The following EIF4B variants were observed in gnomAD, a reference collection of about 807,000 sequenced individuals.
EIF4B encodes eukaryotic translation initiation factor 4B.
Under a neutral mutation model 79.3 loss-of-function variants are expected in EIF4B, and 8 were observed. That is an observed-to-expected ratio of 0.10 (90% CI 0.06 to 0.18). The LOEUF is 0.18. Ranked by LOEUF, EIF4B falls within the 10% of genes least tolerant of loss-of-function variation. The pLI, the probability that EIF4B is intolerant of heterozygous loss-of-function variation, is 1.00. For synonymous variants in EIF4B, 238 were observed against 274.7 expected (o/e 0.87, Z 1.32); for missense variants, 515 against 792.4 (o/e 0.65, Z 4.20).
chr12:53,037,237 G>C (rs868563821), intron 10 of EIF4B, among the ~76,000 whole-genome samples, 172 bp from the exon 11 acceptor site: 2 of 152,168 alleles, frequency 1.3e-5, no homozygotes, highest in Non-Finnish European at 2.9e-5. Context: ...CTATTTCTCT[G>C]TGCATCAGTA....
intron 6 of EIF4B, among the ~76,000 whole-genome samples, chr12:53,027,137 A>ATTTTTTTTTTTTTTTTTTTTTTTTTTTT (rs71095967): frequency 3.9e-5 from 1 of 25,722 alleles, no homozygotes; most frequent in African/African-American, 8.2e-5. Context: ...AAAAAAAAAA[A>ATTTTTTTTTTTTTTTTTTTTTTTTTTTT]TTTTTTTTTT....
Position 53,039,667 on chromosome 12 carries a change from C to G in EIF4B, c.1720C>G (p.Pro574Ala). ...GKKDQDSRSA[P>A]EPKKPEENPA... is the part of the protein sequence containing the mutation. Reference sequence around the variant, plus strand: ...AAAGGATCAAGACTCCAGATCTGCACCTGAGCCAAAGAAACCTGAGGAAAA... The same window carrying G: ...AAAGGATCAAGACTCCAGATCTGCAGCTGAGCCAAAGAAACCTGAGGAAAA... Residue 574 changes from proline to alanine, a missense_variant, in exon 14 of 15, where the codon CCT becomes GCT. By Grantham distance (27) the Pro-to-Ala change is conservative (BLOSUM62 -1). Around this residue, in one of 6 missense-constraint regions of EIF4B, gnomAD observed 60 missense variants for 56.7 expected, o/e 1.06. Coordinates refer to ENST00000262056, the MANE Select transcript of EIF4B (RefSeq NM_001417.7). 6.2e-7 allele frequency: 1 copy of G among 1,613,748 alleles called. No homozygotes were observed. The highest frequency in any genetic ancestry group is 1.3e-5 in the African/African-American group (1 of 75,004).
chr12:53,036,728 G>A (rs191553847), intron 10 of EIF4B, among the ~76,000 whole-genome samples: 41 of 152,114 alleles, frequency 2.7e-4, no homozygotes, highest in Admixed American at 2.6e-3. Context: ...AAACGCACGT[G>A]TAGGTTGTTG....
intron 1 of EIF4B, chr12:53,012,387 T>C (rs1288857408): frequency 6.6e-6 from 1 of 151,916 alleles, no homozygotes; most frequent in African/African-American, 2.4e-5. Context: ...AAACCCCATC[T>C]CTATTAAAAA....
At chr12:53,019,826 C>T in intron 3 of EIF4B, 84 bp from the exon 4 acceptor site, 2 of 1,301,976 alleles carry the variant, frequency 1.5e-6, no homozygotes, top group South Asian at 2.6e-5. Context: ...CATGCACATA[C>T]AGTAATGCTT....
intron 6 of EIF4B, 72 bp from the exon 7 acceptor site, chr12:53,027,710 C>CTGATAGCTTA: frequency 6.5e-7 from 1 of 1,530,164 alleles, no homozygotes; most frequent in Admixed American, 2.0e-5. Context: ...CCAAATTGGA[C>CTGATAGCTTA]TGATAGCTTA....
At chr12:53,009,494 C>CAAA (rs10561811) in intron 1 of EIF4B, among the ~76,000 whole-genome samples, 4 of 148,248 alleles carry the variant, frequency 2.7e-5, no homozygotes, top group African/African-American at 4.9e-5. Flanking sequence ...GACTCCGTCT[C>CAAA]AAAAAAAAAA....
At chr12:53,011,992 G>A (rs1173195889) in intron 1 of EIF4B, 1 of 152,188 alleles carries the variant, frequency 6.6e-6, no homozygotes, top group African/African-American at 2.4e-5. Flanking sequence ...TACTTATAAA[G>A]CAGAGGGAAC....
intron 12 of EIF4B, 159 bp from the exon 13 acceptor site, chr12:53,039,079 T>A: frequency 1.7e-6 from 1 of 579,882 alleles, no homozygotes; most frequent in South Asian, 2.1e-5. Flanking sequence ...CTGTAGAGGA[T>A]GTGGAAAGAA....
chr12:53,022,710 G>T lies in EIF4B; in HGVS notation c.667+83G>T, dbSNP rs1472449721. On this transcript the variant is annotated intron_variant, in intron 6 of 14. Coordinates refer to ENST00000262056, the MANE Select transcript of EIF4B (RefSeq NM_001417.7). ...AGGACAAATGTGTTACAGATGATCA[G>T]ATCACATTAACAGATAGAAGGAGGA... 7.4e-6 allele frequency: 11 copies of T among 1,485,100 alleles called. 1 individual carries two copies. The South Asian group carries it at 1.5e-4, about 20-fold the overall frequency. 92.0% of individuals were successfully genotyped at this position (1,485,100 alleles called of 1,614,324 possible).
intron 1 of EIF4B, among the ~76,000 whole-genome samples, chr12:53,012,625 G>A (rs1943084123): frequency 6.7e-6 from 1 of 149,546 alleles, no homozygotes; most frequent in Admixed American, 6.7e-5. Context: ...TTTTTGTGGG[G>A]GACGGAGTCT....
chr12:53,013,341 C>A (rs1186803465), intron 1 of EIF4B, among the ~76,000 whole-genome samples: 2 of 152,124 alleles, frequency 1.3e-5, no homozygotes, highest in African/African-American at 4.8e-5. Flanking sequence ...AGATTAAGCC[C>A]CATGAGGGTA....
intron 1 of EIF4B, among the ~76,000 whole-genome samples, chr12:53,010,148 TTATGTA>T (rs918871119): frequency 6.6e-6 from 1 of 152,180 alleles, no homozygotes; most frequent in Non-Finnish European, 1.5e-5. Context: ...TTTTGTTTGA[TTATGTA>T]TATGATCAAA....
At position 53,019,450 on chromosome 12, in the gene EIF4B, C is replaced by CTTTTTTTTTTTTTTTTTTTTTTTT. The variant is rs71095966; in HGVS notation, c.360+445_361-436dup. Among the ~76,000 whole-genome samples, 28 of 66,002 alleles carry CTTTTTTTTTTTTTTTTTTTTTTTT rather than the reference C, an allele frequency of 4.2e-4. 7 individuals carry two copies. The highest frequency in any genetic ancestry group is 6.3e-4 in the Admixed American group (3 of 4,742). 43.3% of individuals were successfully genotyped at this position (66,002 alleles called of 152,430 possible). On this transcript the variant is annotated intron_variant, in intron 3 of 14. Coordinates refer to ENST00000262056, the MANE Select transcript of EIF4B (RefSeq NM_001417.7). ...ATATATATATATATTTTTTTTTTTT[C>CTTTTTTTTTTTTTTTTTTTTTTTT]TTTTTTTTTTTTTTTTTTTTTTTTG...
chr12:53,039,955 T>A, intron 14 of EIF4B, 188 bp from the exon 15 acceptor site: 1 of 716,570 alleles, frequency 1.4e-6, no homozygotes. Flanking sequence ...GGTATGAGAC[T>A]ATAGTAAGAT....
chr12:53,008,048 T>C (rs1277373268), intron 1 of EIF4B, among the ~76,000 whole-genome samples: 3 of 152,244 alleles, frequency 2.0e-5, no homozygotes, highest in African/African-American at 7.2e-5. Flanking sequence ...AAAATGTTCA[T>C]ATTTTTTTCT....
intron 6 of EIF4B, among the ~76,000 whole-genome samples, chr12:53,025,888 A>G (rs1943325559): frequency 6.6e-6 from 1 of 152,092 alleles, no homozygotes; most frequent in Non-Finnish European, 1.5e-5. Context: ...CGGGCGGATC[A>G]TGAGGTCAGG....
intron 8 of EIF4B, among the ~76,000 whole-genome samples, chr12:53,028,710 T>G (rs1432010558): frequency 1.3e-5 from 2 of 152,168 alleles, no homozygotes; most frequent in Admixed American, 1.3e-4. Context: ...GATACTGTTA[T>G]GTTGTGATCT....
intron 1 of EIF4B, among the ~76,000 whole-genome samples, chr12:53,013,089 G>C (rs1186686792): frequency 6.6e-6 from 1 of 152,244 alleles, no homozygotes; most frequent in African/African-American, 2.4e-5. Context: ...GTCAAGGGGT[G>C]AGAGTTGAGA....
Sources: gnomAD v4.1 joint callset for allele counts (sites outside exome capture counted in the v4.1 genomes callset) on GRCh38, gnomAD v4.1.1 for gene constraint, gnomAD v4.1.1 regional missense constraint, MANE v1.5 for transcripts, NCBI Gene and HGNC (gene_info 2026-07-23, HGNC 2026-07-21) for gene names.